Variants in ANGPTL2 observed in about 807,000 individuals in gnomAD.
ANGPTL2 encodes angiopoietin-related protein 2.
Under a neutral mutation model 52.8 loss-of-function variants are expected in ANGPTL2, and 25 were observed. The observed-to-expected ratio is 0.47, with a 90% CI of 0.35 to 0.66. The LOEUF is 0.66. Ranked by LOEUF, ANGPTL2 falls within the 30% of genes least tolerant of loss-of-function variation. The pLI is 0.01. For missense variants in ANGPTL2, 546 were observed against 656.9 expected, an observed-to-expected ratio of 0.83 and a Z score of 1.84; for synonymous variants, 276 against 277.4, an observed-to-expected ratio of 1.00 and a Z score of 0.05.
At chr9:127,090,939 G>GT (rs1024179092) in intron 4 of ANGPTL2, among the ~76,000 whole-genome samples, 2 of 152,282 alleles carry the variant, frequency 1.3e-5, no homozygotes, top group Admixed American at 6.5e-5. Flanking sequence ...TTTTTCTCTT[G>GT]TTTTTTGTTT....
intron 2 of ANGPTL2, among the ~76,000 whole-genome samples, chr9:127,098,568 G>A (rs2053400792): frequency 6.6e-6 from 1 of 152,164 alleles, no homozygotes; most frequent in Non-Finnish European, 1.5e-5. Context: ...CCAGAGGAGG[G>A]ACATCAGCAA....
At chr9:127,104,240 G>A (rs2054006288) in intron 2 of ANGPTL2, among the ~76,000 whole-genome samples, 1 of 152,174 alleles carries the variant, frequency 6.6e-6, no homozygotes. Context: ...TTCTGACAAA[G>A]CCCGTCTGTG....
At position 127,108,595 on chromosome 9, in the gene ANGPTL2, C is replaced by T. The variant is rs149981584; in HGVS notation, c.137G>A (p.Arg46Gln). Residue 46 changes from arginine to glutamine, a missense_variant, in exon 2 of 5, where the codon CGG becomes CAG. Arg to Gln is a conservative substitution (Grantham distance 43). Coordinates refer to ENST00000373425, the MANE Select transcript of ANGPTL2 (RefSeq NM_012098.3). ...GCACTTGTCCTGGGACTCGCCCGCC[C>T]GCTTGTACCTGTTTAGGTAAATGAA... ...REFIYLNRYK[R>Q]AGESQDKCTY... 3.1e-5 allele frequency: 50 copies of T among 1,613,616 alleles called. No homozygotes were observed. The highest frequency in any genetic ancestry group is 2.8e-4 in the African/African-American group (21 of 74,848).
Position 127,108,030 on chromosome 9 carries a change from G to T in ANGPTL2, c.702C>A (p.Ile234=). Residue 234 remains isoleucine (I), a synonymous_variant, in exon 2 of 5, where the codon ATC becomes ATA. Transcript: ENST00000373425. ...VYQPPTYNRI[I]NQISTNEIQS... ...GGATCTCGTTGGTAGAGATCTGGTTGATGATGCGGTTGTAGGTGGGTGGTT... is the reference window on the plus strand; with the variant it reads ...GGATCTCGTTGGTAGAGATCTGGTTTATGATGCGGTTGTAGGTGGGTGGTT... 4 of 1,603,484 alleles carry T rather than the reference G, an allele frequency of 2.5e-6. No individual in the cohort carries two copies. Among genetic ancestry groups the T allele is most frequent in the Non-Finnish European group, 3.4e-6 (4 of 1,174,308 alleles).
rs1216503032 is a variant in ANGPTL2 at position 127,122,222 on chromosome 9, C to CA, written c.-50+92dup. ...TCTGAGATCCAGCAGCACACACCCC[C>CA]AGCTGGAGGGTCAGGGTTCTGGAAG... On this transcript the variant is annotated intron_variant, in intron 1 of 4. Transcript: ENST00000373425. The surrounding 1 kb of genome is among the most constrained non-coding windows in gnomAD (Gnocchi z 6.4). The CA allele has an allele frequency of 6.6e-6, 1 of 152,408 alleles. No individual in the cohort carries two copies. Among genetic ancestry groups the CA allele is most frequent in the Non-Finnish European group, 1.5e-5 (1 of 68,208 alleles). The allele number at this position is 152,408 out of a possible 1,614,324, so 9.4% of individuals were successfully genotyped here.
intron 2 of ANGPTL2, among the ~76,000 whole-genome samples, chr9:127,100,821 C>T (rs933832489): frequency 6.6e-6 from 1 of 152,216 alleles, no homozygotes; most frequent in Non-Finnish European, 1.5e-5. Context: ...GGATCAGCTT[C>T]ATTGGTTTCT....
Position 127,091,149 on chromosome 9 carries a change from A to G in ANGPTL2, c.1282+521T>C, listed in dbSNP as rs1260056334. 6.6e-6 allele frequency among the ~76,000 whole-genome samples: 1 copy of G among 152,244 alleles called. No individual in the cohort carries two copies. Among genetic ancestry groups the G allele is most frequent in the African/African-American group, 2.4e-5 (1 of 41,474 alleles). Reference sequence around the variant, plus strand: ...AAATCCTAGACAAAGCACTTTAGGTACATTCTCTCTACCCTTCTCCCTACT... The same window carrying G: ...AAATCCTAGACAAAGCACTTTAGGTGCATTCTCTCTACCCTTCTCCCTACT... On this transcript the variant is annotated intron_variant, in intron 4 of 4. Coordinates refer to ENST00000373425, the MANE Select transcript of ANGPTL2 (RefSeq NM_012098.3). The surrounding 1 kb of genome is among the most constrained non-coding windows in gnomAD (Gnocchi z 4.3).
Position 127,089,096 on chromosome 9 carries a change from G to A in ANGPTL2, c.1325C>T (p.Ala442Val), listed in dbSNP as rs770856713. The change falls in exon 5 of 5, where the codon GCC becomes GTC. Residue 442 changes from alanine to valine, a missense_variant. This residue lies in a region of ANGPTL2 where 261 missense variants were observed against 361.0 expected (regional missense o/e 0.72). Transcript: ENST00000373425. ...CCCGTTGAGGTTGGAGTGGGCACAG[G>A]CGTTATACCACCAGCCTCCCTTCTG... ...HYQKGGWWYN[A>V]CAHSNLNGVW... 1 of 1,614,232 alleles carries A rather than the reference G, an allele frequency of 6.2e-7. No individual in the cohort carries two copies. The highest frequency in any genetic ancestry group is 8.5e-7 in the Non-Finnish European group (1 of 1,180,042).
chr9:127,092,307 G>A (rs2052583503), intron 3 of ANGPTL2, among the ~76,000 whole-genome samples: 1 of 152,200 alleles, frequency 6.6e-6, no homozygotes, highest in South Asian at 2.1e-4. Context: ...GACCTTCACT[G>A]AGCTTCACCT....
chr9:127,098,432 G>C (rs999458384), intron 2 of ANGPTL2, among the ~76,000 whole-genome samples: 4 of 152,160 alleles, frequency 2.6e-5, no homozygotes, highest in African/African-American at 9.7e-5. Context: ...TTACATTCTT[G>C]GGGGAGCTGT....
rs760915008 is a variant in ANGPTL2 at position 127,088,914 on chromosome 9, C to T, written c.*25G>A. Reference sequence around the variant, plus strand: ...CAGGGTGGGCTCCTGGCAATGGCCACGAGAGGTCAGGAGGGGGAGCTGGCT... The same window carrying T: ...CAGGGTGGGCTCCTGGCAATGGCCATGAGAGGTCAGGAGGGGGAGCTGGCT... On this transcript the variant is annotated 3_prime_UTR_variant, in exon 5 of 5. Transcript: ENST00000373425. 8.7e-6 allele frequency: 14 copies of T among 1,613,800 alleles called. 1 individual carries two copies. The highest frequency in any genetic ancestry group is 5.5e-5 in the South Asian group (5 of 91,058).
At chr9:127,093,489 C>G (rs1048620741) in intron 3 of ANGPTL2, among the ~76,000 whole-genome samples, 1 of 152,230 alleles carries the variant, frequency 6.6e-6, no homozygotes, top group African/African-American at 2.4e-5. Context: ...TCTACTGACT[C>G]TTGTCCTGCA....
chr9:127,096,108 A>G (rs891310758), intron 2 of ANGPTL2, among the ~76,000 whole-genome samples: 1 of 152,236 alleles, frequency 6.6e-6, no homozygotes, highest in Admixed American at 6.5e-5. Context: ...ATGGGGCACA[A>G]GCAGCTGCTT....
In ANGPTL2 at chr9:127,091,152, T is replaced by G. The variant is rs1450258490; in HGVS notation, c.1282+518A>C. Among the ~76,000 whole-genome samples the G allele has an allele frequency of 6.6e-6, 1 of 152,246 alleles. No homozygotes were observed. Among genetic ancestry groups the G allele is most frequent in the African/African-American group, 2.4e-5 (1 of 41,470 alleles). On this transcript the variant is annotated intron_variant, in intron 4 of 4. Coordinates refer to ENST00000373425, the MANE Select transcript of ANGPTL2 (RefSeq NM_012098.3). This position sits in a 1 kb window ranked among gnomAD's most constrained non-coding sequence, Gnocchi z 4.3. ...TCCTAGACAAAGCACTTTAGGTACA[T>G]TCTCTCTACCCTTCTCCCTACTCTG...
At chr9:127,092,118 A>G (rs560890952) in intron 3 of ANGPTL2, among the ~76,000 whole-genome samples, 178 bp from the exon 4 acceptor site, 1 of 152,212 alleles carries the variant, frequency 6.6e-6, no homozygotes, top group Non-Finnish European at 1.5e-5. Context: ...ACATTATTCA[A>G]AAATATGTAG....
At chr9:127,118,645 C>T (rs1249802100) in intron 1 of ANGPTL2, among the ~76,000 whole-genome samples, 1 of 152,192 alleles carries the variant, frequency 6.6e-6, no homozygotes, top group Admixed American at 6.5e-5. Flanking sequence ...CCTTGAGGAC[C>T]CTCTTAGCTC....
rs767982869 is a variant in ANGPTL2, at chr9:127,108,764, A to G, written c.-33T>C. Reference sequence around the variant, plus strand: ...GCAAAATGGTGGTTATTCTTTGTGAATAGAATCTATGAAAGCCTGAAAGTA... The same window carrying G: ...GCAAAATGGTGGTTATTCTTTGTGAGTAGAATCTATGAAAGCCTGAAAGTA... On this transcript the variant is annotated 5_prime_UTR_variant, in exon 2 of 5. Coordinates refer to ENST00000373425, the MANE Select transcript of ANGPTL2 (RefSeq NM_012098.3). The G allele has an allele frequency of 1.3e-6, 2 of 1,568,932 alleles. No homozygotes were observed. Among genetic ancestry groups the G allele is most frequent in the South Asian group, 2.3e-5 (2 of 86,096 alleles).
intron 2 of ANGPTL2, among the ~76,000 whole-genome samples, chr9:127,106,035 G>A (rs2054186110): frequency 6.6e-6 from 1 of 152,176 alleles, no homozygotes; most frequent in Non-Finnish European, 1.5e-5. Context: ...TCTCATGAGC[G>A]AACAGCTAAC....
chr9:127,102,998 C>T (rs1309381838), intron 2 of ANGPTL2, among the ~76,000 whole-genome samples: 2 of 152,346 alleles, frequency 1.3e-5, no homozygotes, highest in South Asian at 2.1e-4. Flanking sequence ...CACCCTCACT[C>T]GCCACCATCA....
Sources: allele counts gnomAD v4.1 joint callset (sites outside exome capture counted in the v4.1 genomes callset), GRCh38; gene constraint gnomAD v4.1.1; regional missense constraint gnomAD v4.1.1; non-coding constraint Gnocchi (gnomAD v3.1); transcripts MANE v1.5; gene names NCBI Gene and HGNC (gene_info 2026-07-23, HGNC 2026-07-21).